RESF1: variants seen among roughly 807,000 people sequenced by gnomAD.
The protein encoded by RESF1 is gonad expressed transcript.
In RESF1, 65 loss-of-function variants were observed where a neutral mutation model predicts 134.7. That is an observed-to-expected ratio of 0.48 (90% CI 0.40 to 0.59). The LOEUF (loss-of-function observed/expected upper bound fraction) is 0.59, where lower values mean the gene tolerates loss of function less well. RESF1 is among the 20% of genes least tolerant of loss of function. The pLI, the probability that RESF1 is intolerant of heterozygous loss-of-function variation, is 0.00. For missense variants in RESF1, 2,274 were observed against 2,002.7 expected (o/e 1.14, Z -2.59); for synonymous variants, 762 against 702.2 (o/e 1.09, Z -1.35).
intron 3 of RESF1, among the ~76,000 whole-genome samples, chr12:31,978,640 G>A (rs1939693489): frequency 6.6e-6 from 1 of 151,692 alleles, no homozygotes; most frequent in Non-Finnish European, 1.5e-5. Context: ...CCACCTCCTG[G>A]GTTCAAGTGA....
At chr12:31,986,500 C>T (rs1324916330) in intron 4 of RESF1, among the ~76,000 whole-genome samples, 1 of 152,228 alleles carries the variant, frequency 6.6e-6, no homozygotes, top group Non-Finnish European at 1.5e-5. Flanking sequence ...ATGGTAACAT[C>T]TAGCCTACTC....
In RESF1 at chr12:31,984,534, C is replaced by T. The variant is rs1939909514; in HGVS notation, c.3579C>T (p.Ile1193=). 1 of 1,594,676 alleles carries T rather than the reference C, an allele frequency of 6.3e-7. No individual in the cohort carries two copies. Among genetic ancestry groups the T allele is most frequent in the South Asian group, 1.1e-5 (1 of 88,576 alleles). The change falls in exon 4 of 6, where the codon ATC becomes ATT. Residue 1193 remains isoleucine, a synonymous_variant. Transcript: ENST00000312561. The part of the protein sequence containing the change: ...EGVPQCQCNS[I]KNSSSEEEKQ... Reference sequence around the variant, plus strand: ...TACCCCAGTGTCAGTGTAATTCCATCAAGAACTCATCTTCAGAGGAAGAGA... The same window carrying T: ...TACCCCAGTGTCAGTGTAATTCCATTAAGAACTCATCTTCAGAGGAAGAGA...
In RESF1 at chr12:31,985,512, C is replaced by T; in HGVS notation, c.4557C>T (p.Leu1519=). The T allele has an allele frequency of 4.4e-6, 7 of 1,602,750 alleles. No homozygotes were observed. Among genetic ancestry groups the T allele is most frequent in the Non-Finnish European group, 5.9e-6 (7 of 1,176,890 alleles). ...LNGLTSHGKN[L]KIHHSQESKT... ...GCTTGACAAGCCATGGTAAAAACCTCAAAATCCACCATTCTCAGGAGTCTA... is the reference window on the plus strand; with the variant it reads ...GCTTGACAAGCCATGGTAAAAACCTTAAAATCCACCATTCTCAGGAGTCTA... The change falls in exon 4 of 6, where the codon CTC becomes CTT. Residue 1519 remains leucine, a synonymous_variant. Transcript: ENST00000312561.
Position 31,992,516 on chromosome 12 carries a change from G to T in RESF1, c.5225G>T (p.Gly1742Val), listed in dbSNP as rs768412253. ...MYLEKRSRSL[G>V]SSPVK is the part of the protein sequence containing the mutation. ...CTGGAGAAGAGAAGCAGAAGCCTTG[G>T]TAGCAGTCCTGTAAAATAATTACAA... The change falls in exon 6 of 6, where the codon GGT (glycine) becomes GTT (valine). Residue 1742 changes from glycine (G) to valine (V), a missense_variant. Physicochemically the swap from Gly to Val is moderately radical, Grantham distance 109 (BLOSUM62 -3). Coordinates refer to ENST00000312561, the MANE Select transcript of RESF1 (RefSeq NM_018169.4). 4 of 1,613,442 alleles carry T rather than the reference G, an allele frequency of 2.5e-6. No homozygotes were observed. In the South Asian group the frequency reaches 4.4e-5, roughly 18 times the overall value.
At position 31,962,225 on chromosome 12, in the gene RESF1, A is replaced by T. The variant is rs948948325; in HGVS notation, c.-247+1354A>T. On this transcript the variant is annotated intron_variant, in intron 2 of 5. Transcript: ENST00000312561. ...AGAGCAAGATTCTGTCTTTTTAAAA[A>T]AAAAAAAAAAAAAGCATTTGTGAAG... 8.3e-5 allele frequency among the ~76,000 whole-genome samples: 12 copies of T among 145,272 alleles called. No individual in the cohort carries two copies. In the East Asian group the frequency reaches 2.3e-3, roughly 28 times the overall value.
intron 3 of RESF1, among the ~76,000 whole-genome samples, chr12:31,972,932 G>A (rs1268735942): frequency 6.6e-6 from 1 of 151,942 alleles, no homozygotes; most frequent in East Asian, 1.9e-4. Context: ...CCTTAGTGGG[G>A]TTTATTTTGC....
chr12:31,989,240 T>G (rs1211708434), intron 5 of RESF1, among the ~76,000 whole-genome samples: 2 of 149,380 alleles, frequency 1.3e-5, no homozygotes, highest in African/African-American at 4.9e-5. Context: ...ACTGAAAATA[T>G]AAAAAATAAG....
intron 3 of RESF1, among the ~76,000 whole-genome samples, chr12:31,973,116 C>T (rs1392104022): frequency 1.3e-5 from 2 of 151,990 alleles, no homozygotes; most frequent in South Asian, 2.1e-4. Context: ...GATCTTGGGG[C>T]GAGAATTTAT....
In RESF1 at chr12:31,983,592, A is replaced by G. The variant is rs756207452; in HGVS notation, c.2637A>G (p.Ser879=). The G allele has an allele frequency of 1.6e-5, 26 of 1,613,938 alleles. No homozygotes were observed. The highest frequency in any genetic ancestry group is 2.7e-5 in the African/African-American group (2 of 74,928). ...ACGATCAGCAAATCTCACAGGAGTC[A>G]AGGAATAGTACTGTTGTGAGTAGTG... The part of the protein sequence containing the change: ...PMNDQQISQE[S]RNSTVVSSDT... The change falls in exon 4 of 6, where the codon TCA becomes TCG. Residue 879 remains serine, a synonymous_variant. Transcript: ENST00000312561.
chr12:31,992,091 A>G (rs569714668), intron 5 of RESF1, among the ~76,000 whole-genome samples: 7 of 152,334 alleles, frequency 4.6e-5, no homozygotes, highest in African/African-American at 1.2e-4. Context: ...ATGATATGCA[A>G]TGATACATTT....
intron 2 of RESF1, among the ~76,000 whole-genome samples, chr12:31,962,717 A>G (rs1181936974): frequency 6.6e-6 from 1 of 152,254 alleles, no homozygotes; most frequent in Admixed American, 6.5e-5. Context: ...TGTATTGTCC[A>G]GTGAAGTTTT....
Position 31,992,745 on chromosome 12 carries a change from A to C in RESF1, c.*210A>C. ...GAAATGGATGGTATTCACCGGGGAA[A>C]CAAGGTATTTGAATTTCTACTTTAT... On this transcript the variant is annotated 3_prime_UTR_variant, in exon 6 of 6. Transcript: ENST00000312561. 1.8e-6 allele frequency: 1 copy of C among 547,924 alleles called. No homozygotes were observed. Among genetic ancestry groups the C allele is most frequent in the Non-Finnish European group, 3.2e-6 (1 of 308,474 alleles). The allele number at this position is 547,924 out of a possible 1,614,324, so 33.9% of individuals were successfully genotyped here. A position where few individuals can be genotyped will look rare whatever the true frequency, so the allele number is the denominator to read the frequency against.
intron 2 of RESF1, among the ~76,000 whole-genome samples, chr12:31,966,193 T>C (rs1282316125): frequency 6.6e-6 from 1 of 152,230 alleles, no homozygotes; most frequent in African/African-American, 2.4e-5. Flanking sequence ...CATAATGTTT[T>C]AATCATGCTT....
At chr12:31,992,316 A>G in intron 5 of RESF1, 62 bp from the exon 6 acceptor site, 6 of 1,395,360 alleles carry the variant, frequency 4.3e-6, no homozygotes, top group Non-Finnish European at 6.0e-6. Flanking sequence ...CTGAATTTTG[A>G]TTATATATTG....
intron 5 of RESF1, among the ~76,000 whole-genome samples, 196 bp from the exon 6 acceptor site, chr12:31,992,182 C>T (rs1565490481): frequency 6.6e-6 from 1 of 152,086 alleles, no homozygotes; most frequent in Non-Finnish European, 1.5e-5. Context: ...AAAACAGCCC[C>T]CAAAAGAAAG....
At position 31,982,950 on chromosome 12, in the gene RESF1, C is replaced by T. The variant is rs1191009914; in HGVS notation, c.1995C>T (p.Asp665=). 1 of 1,614,090 alleles carries T rather than the reference C, an allele frequency of 6.2e-7. No homozygotes were observed. Among genetic ancestry groups the T allele is most frequent in the Non-Finnish European group, 8.5e-7 (1 of 1,180,000 alleles). The change falls in exon 4 of 6, where the codon GAC becomes GAT. Residue 665 remains aspartate (D), a synonymous_variant. Coordinates refer to ENST00000312561, the MANE Select transcript of RESF1 (RefSeq NM_018169.4). Reference sequence around the variant, plus strand: ...CAAAAGGAATGCCTGCTAAAAGTGACAGTAGCTGTTCCATGGAAGTGCTAG... The same window carrying T: ...CAAAAGGAATGCCTGCTAAAAGTGATAGTAGCTGTTCCATGGAAGTGCTAG... ...SSTKGMPAKS[D]SSCSMEVLAT... is the part of the protein sequence containing the mutation.
chr12:31,984,475 G>C lies in RESF1; in HGVS notation c.3520G>C (p.Ala1174Pro). 1 of 1,612,750 alleles carries C rather than the reference G, an allele frequency of 6.2e-7. No individual in the cohort carries two copies. The highest frequency in any genetic ancestry group is 1.7e-4 in the Middle Eastern group (1 of 6,058). ...DSEKDDIHCCALGWLSMVYEG... is the reference protein window; with the variant it reads ...DSEKDDIHCCPLGWLSMVYEG... ...TGAGAAAGATGATATCCACTGCTGT[G>C]CATTGGGCTGGCTCTCCATGGTTTA... is the stretch of plus-strand genomic sequence containing the variant. The change falls in exon 4 of 6, where the codon GCA becomes CCA. Residue 1174 changes from alanine to proline, a missense_variant. Ala to Pro is a conservative substitution (Grantham distance 27). Transcript: ENST00000312561.
At position 31,983,419 on chromosome 12, in the gene RESF1, G is replaced by A. The variant is rs554538448; in HGVS notation, c.2464G>A (p.Val822Ile). ...AALKVDVSGPVASTATSTKIF... is the reference protein window; with the variant it reads ...AALKVDVSGPIASTATSTKIF... ...TTTGAAAGTTGATGTTAGTGGACCA[G>A]TAGCAAGTACAGCAACATCAACCAA... The change falls in exon 4 of 6, where the codon GTA (valine) becomes ATA (isoleucine). Residue 822 changes from valine to isoleucine, a missense_variant. Physicochemically the swap from Val to Ile is conservative, Grantham distance 29 (BLOSUM62 3). Coordinates refer to ENST00000312561, the MANE Select transcript of RESF1 (RefSeq NM_018169.4). 63 of 1,614,044 alleles carry A rather than the reference G, an allele frequency of 3.9e-5. No individual in the cohort carries two copies. In the East Asian group the frequency reaches 1.1e-3, roughly 27 times the overall value.
chr12:31,962,222 A>AG (rs1016707951), intron 2 of RESF1, among the ~76,000 whole-genome samples: 3 of 139,804 alleles, frequency 2.1e-5, no homozygotes, highest in Non-Finnish European at 4.6e-5. Flanking sequence ...TGTCTTTTTA[A>AG]AAAAAAAAAA....
Sources: allele counts gnomAD v4.1 joint callset (sites outside exome capture counted in the v4.1 genomes callset), GRCh38; gene constraint gnomAD v4.1.1; transcripts MANE v1.5; gene names NCBI Gene and HGNC (gene_info 2026-07-23, HGNC 2026-07-21).